FAF1: variants seen among roughly 807,000 people sequenced by gnomAD.
FAF1 encodes the protein Fas associated factor 1.
In FAF1, 25 loss-of-function variants were observed where a neutral mutation model predicts 92.5. That is an observed-to-expected ratio of 0.27 (90% confidence interval 0.20 to 0.38). FAF1 has a LOEUF of 0.38. Ranked by LOEUF, FAF1 falls within the 10% of genes least tolerant of loss-of-function variation. The pLI is 1.00. For missense variants in FAF1, 636 were observed against 793.3 expected, an observed-to-expected ratio of 0.80 and a Z score of 2.38; for synonymous variants, 234 against 273.2, an observed-to-expected ratio of 0.86 and a Z score of 1.42.
chr1:50,934,821 T>C (rs1570158867), intron 1 of FAF1, among the ~76,000 whole-genome samples: 3 of 152,244 alleles, frequency 2.0e-5, no homozygotes, highest in East Asian at 3.8e-4. Flanking sequence ...TTTTTTTCTT[T>C]CAACACTTTA....
chr1:50,738,975 C>A (rs1569862192), intron 5 of FAF1, 21 bp from the exon 6 acceptor site: 3 of 1,410,196 alleles, frequency 2.1e-6, no homozygotes, highest in Admixed American at 3.8e-5. Flanking sequence ...AAAAACACAG[C>A]AAAAAATGAA....
intron 6 of FAF1, among the ~76,000 whole-genome samples, chr1:50,714,638 TATTAA>T (rs936950760): frequency 9.0e-4 from 137 of 152,290 alleles, no homozygotes; most frequent in African/African-American, 3.2e-3. Context: ...TTGACAGACC[TATTAA>T]AGAAGGAAAG....
At chr1:50,739,355 T>C (rs777526169) in intron 5 of FAF1, among the ~76,000 whole-genome samples, 4 of 151,980 alleles carry the variant, frequency 2.6e-5, no homozygotes, top group Non-Finnish European at 5.9e-5. Context: ...TATACATGTG[T>C]ACATGTGTAC....
chr1:50,570,848 A>G (rs946984409), intron 12 of FAF1, among the ~76,000 whole-genome samples: 2 of 152,364 alleles, frequency 1.3e-5, no homozygotes, highest in South Asian at 4.1e-4. Context: ...ACTGAGCTCA[A>G]TTAAGCACAG....
intron 1 of FAF1, among the ~76,000 whole-genome samples, chr1:50,917,011 T>C (rs1408130544): frequency 2.6e-5 from 4 of 152,072 alleles, no homozygotes; most frequent in African/African-American, 9.7e-5. Flanking sequence ...AACTACAATG[T>C]CCCGAATCTA....
intron 3 of FAF1, among the ~76,000 whole-genome samples, chr1:50,798,416 A>G (rs1311787403): frequency 6.6e-6 from 1 of 152,250 alleles, no homozygotes; most frequent in Non-Finnish European, 1.5e-5. Context: ...AAAACATAGC[A>G]TCAGCTCTCC....
At chr1:50,447,735 A>G (rs1646246639) in intron 18 of FAF1, among the ~76,000 whole-genome samples, 1 of 152,234 alleles carries the variant, frequency 6.6e-6, no homozygotes, top group South Asian at 2.1e-4. Context: ...AAGGACAAGC[A>G]GGTCTAATCC....
intron 18 of FAF1, among the ~76,000 whole-genome samples, chr1:50,460,577 GTA>G (rs1646413232): frequency 6.6e-6 from 1 of 151,980 alleles, no homozygotes; most frequent in Admixed American, 6.6e-5. Context: ...ATATATGCAT[GTA>G]TGTGTGTGTG....
intron 3 of FAF1, among the ~76,000 whole-genome samples, chr1:50,800,351 C>T (rs1029155331): frequency 2.0e-5 from 3 of 151,980 alleles, no homozygotes; most frequent in African/African-American, 7.3e-5. Flanking sequence ...AACATTTACT[C>T]AAAAATAAAA....
At chr1:50,655,647 T>G in intron 7 of FAF1, 119 bp from the exon 8 acceptor site, 1 of 638,306 alleles carries the variant, frequency 1.6e-6, no homozygotes, top group African/African-American at 1.9e-5. Flanking sequence ...AAACAAGAAT[T>G]TGAAACTATA....
chr1:50,677,238 T>A (rs1249393586), intron 7 of FAF1, among the ~76,000 whole-genome samples: 1 of 152,182 alleles, frequency 6.6e-6, no homozygotes, highest in African/African-American at 2.4e-5. Context: ...CTGTCATATC[T>A]GTTGTCAGTA....
At chr1:50,591,271 T>C (rs1268876685) in intron 9 of FAF1, among the ~76,000 whole-genome samples, 1 of 152,216 alleles carries the variant, frequency 6.6e-6, no homozygotes, top group Non-Finnish European at 1.5e-5. Flanking sequence ...GACTCATACC[T>C]GATTTCTCTG....
At chr1:50,522,168 A>T (rs1386452510) in intron 15 of FAF1, among the ~76,000 whole-genome samples, 4 of 152,220 alleles carry the variant, frequency 2.6e-5, no homozygotes, top group African/African-American at 9.6e-5. Context: ...GCAATGTCTC[A>T]TCTGCTCTTC....
intron 2 of FAF1, among the ~76,000 whole-genome samples, chr1:50,843,421 A>G (rs1344489576): frequency 6.6e-6 from 1 of 152,124 alleles, no homozygotes; most frequent in East Asian, 1.9e-4. Context: ...TAGCTATTTA[A>G]AAATATACAA....
At chr1:50,449,149 T>C (rs1156331277) in intron 18 of FAF1, among the ~76,000 whole-genome samples, 1 of 152,182 alleles carries the variant, frequency 6.6e-6, no homozygotes, top group Non-Finnish European at 1.5e-5. Context: ...AATGCATACA[T>C]AATAGTATTA....
intron 15 of FAF1, among the ~76,000 whole-genome samples, chr1:50,520,367 G>A (rs1263072698): frequency 6.6e-6 from 1 of 152,172 alleles, no homozygotes; most frequent in African/African-American, 2.4e-5. Context: ...AAATACTAAT[G>A]GAAGGCAACT....
At chr1:50,607,455 C>T (rs1348557666) in intron 8 of FAF1, among the ~76,000 whole-genome samples, 3 of 152,150 alleles carry the variant, frequency 2.0e-5, no homozygotes, top group Admixed American at 1.3e-4. Flanking sequence ...CATAACCCTG[C>T]CCACCTTTCC....
In FAF1 at chr1:50,787,997, T is replaced by C. The variant is rs770665714; in HGVS notation, c.367+3A>G. 6.2e-7 allele frequency: 1 copy of C among 1,611,182 alleles called. No individual in the cohort carries two copies. The highest frequency in any genetic ancestry group is 8.5e-7 in the Non-Finnish European group (1 of 1,177,380). The stretch of plus-strand genomic sequence containing the variant: ...GAAGGCTTTATGGCAGGAAAAACCT[T>C]ACCAACAGTACAGGTGTCTTCAAGT... On this transcript the variant is annotated splice_donor_region_variant and intron_variant, in intron 4 of 18. Transcript: ENST00000396153.
intron 8 of FAF1, among the ~76,000 whole-genome samples, chr1:50,596,880 G>C (rs1159844325): frequency 6.6e-6 from 1 of 152,150 alleles, no homozygotes; most frequent in East Asian, 1.9e-4. Flanking sequence ...CTAGAGCTCT[G>C]TATAATCTCA....
Sources: gnomAD v4.1 joint callset for allele counts (sites outside exome capture counted in the v4.1 genomes callset) on GRCh38, gnomAD v4.1.1 for gene constraint, MANE v1.5 for transcripts, NCBI Gene and HGNC (gene_info 2026-07-23, HGNC 2026-07-21) for gene names.